LRRC75A: variants seen among roughly 807,000 people sequenced by gnomAD.
The protein encoded by LRRC75A is leucine-rich repeat-containing protein 75A.
LRRC75A carries 12 observed loss-of-function variants against 26.0 expected under a neutral mutation model. The ratio of observed to expected loss-of-function variants is 0.46; its 90% confidence interval spans 0.30 to 0.75. The LOEUF (loss-of-function observed/expected upper bound fraction) is 0.75. Ranked by LOEUF, LRRC75A falls within the 30% of genes least tolerant of loss-of-function variation. The pLI, the probability that LRRC75A is intolerant of heterozygous loss-of-function variation, is 0.08. For synonymous variants in LRRC75A, 223 were observed against 219.3 expected (o/e 1.02, Z -0.15); for missense variants, 410 against 486.6 (o/e 0.84, Z 1.48).
chr17:16,491,706 T>G lies in LRRC75A; in HGVS notation c.246+39A>C. The stretch of plus-strand genomic sequence containing the variant: ...GCCCCCCCCGGCCCAGCACGCCCCC[T>G]GGCCCGGCGCGCCCCCCGCGCCCCC... On this transcript the variant is annotated intron_variant, in intron 1 of 3. Transcript: ENST00000470794. The surrounding 1 kb of genome is among the most constrained non-coding windows in gnomAD (Gnocchi z 5.9). The G allele has an allele frequency of 5.4e-6, 5 of 919,514 alleles. No individual in the cohort carries two copies. The highest frequency in any genetic ancestry group is 5.7e-6 in the Non-Finnish European group (4 of 704,360). 57.0% of individuals were successfully genotyped at this position (919,514 alleles called of 1,614,324 possible).
intron 1 of LRRC75A, among the ~76,000 whole-genome samples, chr17:16,469,170 C>G (rs138872486): frequency 1.2e-4 from 18 of 152,288 alleles, no homozygotes; most frequent in African/African-American, 4.3e-4. Context: ...TCCAGGGTTT[C>G]CAGTTTGCCT....
chr17:16,457,267 C>T (rs548025017), intron 2 of LRRC75A, among the ~76,000 whole-genome samples: 4 of 152,350 alleles, frequency 2.6e-5, no homozygotes, highest in Admixed American at 1.3e-4. Flanking sequence ...GACTGTCCCC[C>T]TCATTACACT....
At position 16,443,931 on chromosome 17, in the gene LRRC75A, C is replaced by T. The variant is rs185998385; in HGVS notation, c.692G>A (p.Arg231His). The change falls in exon 4 of 4, where the codon CGC becomes CAC. Residue 231 changes from arginine to histidine, a missense_variant. By Grantham distance (29) the Arg-to-His change is conservative. Transcript: ENST00000470794. ...GCCATTGAGTGCCAGTGTGGTGAGG[C>T]GGGGCAGGGTGCTGAGTGCTGGCAG... ...QLLPALSTLP[R>H]LTTLALNGNR... is the part of the protein sequence containing the mutation. The T allele has an allele frequency of 2.5e-3, 4,047 of 1,613,034 alleles. 148 individuals carry two copies. The Admixed American group carries it at 0.053, about 21-fold the overall frequency.
chr17:16,481,276 C>T (rs1358367890), intron 1 of LRRC75A, among the ~76,000 whole-genome samples: 1 of 152,148 alleles, frequency 6.6e-6, no homozygotes, highest in Admixed American at 6.5e-5. Context: ...GGTACCAGCA[C>T]CTACCTGGTG....
chr17:16,460,126 G>A (rs1488131508), intron 2 of LRRC75A, among the ~76,000 whole-genome samples: 1 of 152,142 alleles, frequency 6.6e-6, no homozygotes, highest in South Asian at 2.1e-4. Flanking sequence ...CCCATTTCCT[G>A]CCATGTGAGG....
Position 16,492,192 on chromosome 17 carries a change from T to G in LRRC75A, c.-202A>C. On this transcript the variant is annotated 5_prime_UTR_variant, in exon 1 of 4. Coordinates refer to ENST00000470794, the MANE Select transcript of LRRC75A (RefSeq NM_001113567.3). Reference sequence around the variant, plus strand: ...CTCCCTCTTGGCTACCCGGGCGCGCTCCCCGGGCGCTCGCCGCCGGCCCGC... The same window carrying G: ...CTCCCTCTTGGCTACCCGGGCGCGCGCCCCGGGCGCTCGCCGCCGGCCCGC... 1.3e-5 allele frequency: 3 copies of G among 233,262 alleles called. No individual in the cohort carries two copies. Among genetic ancestry groups the G allele is most frequent in the Non-Finnish European group, 2.0e-5 (3 of 147,554 alleles). 14.4% of individuals were successfully genotyped at this position (233,262 alleles called of 1,614,324 possible). A position where few individuals can be genotyped will look rare whatever the true frequency, so the allele number is the denominator to read the frequency against.
In LRRC75A at chr17:16,443,118, G is replaced by C. The variant is rs2093547710; in HGVS notation, c.*470C>G. 2 of 155,414 alleles carry C rather than the reference G, an allele frequency of 1.3e-5. No individual in the cohort carries two copies. The highest frequency in any genetic ancestry group is 4.8e-5 in the African/African-American group (2 of 41,566). 9.6% of individuals were successfully genotyped at this position (155,414 alleles called of 1,614,324 possible). The stretch of plus-strand genomic sequence containing the variant: ...GGCAACCAGGAGTTACAGGAATTTT[G>C]CTAAAGATTCCCACCTTCCTTGAGT... On this transcript the variant is annotated 3_prime_UTR_variant, in exon 4 of 4. Transcript: ENST00000470794.
chr17:16,473,298 C>G (rs2093812147), intron 1 of LRRC75A, among the ~76,000 whole-genome samples: 1 of 152,148 alleles, frequency 6.6e-6, no homozygotes, highest in Non-Finnish European at 1.5e-5. Context: ...TTGGAAGACA[C>G]CAAAGCAAAG....
At chr17:16,483,700 C>T (rs527303306) in intron 1 of LRRC75A, among the ~76,000 whole-genome samples, 9 of 152,278 alleles carry the variant, frequency 5.9e-5, no homozygotes, top group African/African-American at 2.2e-4. Context: ...CCACTGGGGC[C>T]AGAACTGAGG....
At chr17:16,457,671 G>A (rs915781338) in intron 2 of LRRC75A, among the ~76,000 whole-genome samples, 1 of 152,106 alleles carries the variant, frequency 6.6e-6, no homozygotes, top group African/African-American at 2.4e-5. Context: ...TCTGAGACTG[G>A]GTCTTAAAAG....
chr17:16,490,175 G>A (rs1394983086), intron 1 of LRRC75A, among the ~76,000 whole-genome samples: 1 of 152,174 alleles, frequency 6.6e-6, no homozygotes, highest in Non-Finnish European at 1.5e-5. Flanking sequence ...TCCAAGAAGT[G>A]CTTGCCAGCT....
intron 1 of LRRC75A, among the ~76,000 whole-genome samples, chr17:16,482,168 T>TGCA (rs2093835868): frequency 6.6e-6 from 1 of 152,150 alleles, no homozygotes; most frequent in Non-Finnish European, 1.5e-5. Context: ...AGGCTGTGAC[T>TGCA]GCATAGACAG....
intron 2 of LRRC75A, among the ~76,000 whole-genome samples, chr17:16,459,704 G>A (rs960262485): frequency 1.3e-5 from 2 of 152,146 alleles, no homozygotes; most frequent in Non-Finnish European, 1.5e-5. Flanking sequence ...GACCCATAAC[G>A]TGGGCTGACA....
At chr17:16,474,957 C>T (rs1354373212) in intron 1 of LRRC75A, among the ~76,000 whole-genome samples, 1 of 149,404 alleles carries the variant, frequency 6.7e-6, no homozygotes, top group Non-Finnish European at 1.5e-5. Context: ...TGTGCCACCG[C>T]TGCACTCCAG....
At chr17:16,445,460 C>T (rs987191447) in intron 3 of LRRC75A, among the ~76,000 whole-genome samples, 5 of 152,118 alleles carry the variant, frequency 3.3e-5, no homozygotes, top group South Asian at 2.1e-4. Flanking sequence ...CCACCGTGCC[C>T]GGCCCCATTT....
At position 16,446,995 on chromosome 17, in the gene LRRC75A, G is replaced by A. The variant is rs150992074; in HGVS notation, c.491+850C>T. On this transcript the variant is annotated intron_variant, in intron 3 of 3. Transcript: ENST00000470794. ...CCAGAGTTCTTTCTTCTCCATGAGGGAGGGGGACAGCCCTTCCTTCCCCAG... is the reference window on the plus strand; with the variant it reads ...CCAGAGTTCTTTCTTCTCCATGAGGAAGGGGGACAGCCCTTCCTTCCCCAG... 531 of 348,276 alleles carry A rather than the reference G, an allele frequency of 1.5e-3. 2 individuals are homozygous for A. Among genetic ancestry groups the A allele is most frequent in the African/African-American group, 0.011 (490 of 44,638 alleles). 21.6% of individuals were successfully genotyped at this position (348,276 alleles called of 1,614,324 possible).
In LRRC75A at chr17:16,443,306, T is replaced by TG; in HGVS notation, c.*281dup. On this transcript the variant is annotated 3_prime_UTR_variant, in exon 4 of 4. Coordinates refer to ENST00000470794, the MANE Select transcript of LRRC75A (RefSeq NM_001113567.3). ...CCATGTGCCCATTTCCACAAGTCTT[T>TG]GGGGAAGGCCATGAGCTGAGCTGAG... 1 of 412,374 alleles carries TG rather than the reference T, an allele frequency of 2.4e-6. No homozygotes were observed. Among genetic ancestry groups the TG allele is most frequent in the Non-Finnish European group, 4.3e-6 (1 of 231,088 alleles). The allele number at this position is 412,374 out of a possible 1,614,324, so 25.5% of individuals were successfully genotyped here. A position where few individuals can be genotyped will look rare whatever the true frequency, so the allele number is the denominator to read the frequency against.
At chr17:16,464,611 C>T (rs938804520) in intron 1 of LRRC75A, among the ~76,000 whole-genome samples, 8 of 152,216 alleles carry the variant, frequency 5.3e-5, no homozygotes, top group African/African-American at 1.9e-4. Flanking sequence ...TCACCTTCTG[C>T]AGGGGTTCTC....
rs948027874 is a variant in LRRC75A at position 16,442,104 on chromosome 17, A to G, written c.*1484T>C. ...AGTCCAGATATTCGCTCTAGCTTGT[A>G]AACTTCCCTGTGGTCAGCCTAAGCT... is the stretch of plus-strand genomic sequence containing the variant. On this transcript the variant is annotated 3_prime_UTR_variant, in exon 4 of 4. Transcript: ENST00000470794. The G allele has an allele frequency of 6.6e-6, 1 of 152,336 alleles. No individual in the cohort carries two copies. Among genetic ancestry groups the G allele is most frequent in the African/African-American group, 2.4e-5 (1 of 41,454 alleles). The allele number at this position is 152,336 out of a possible 1,614,324, so 9.4% of individuals were successfully genotyped here. A position where few individuals can be genotyped will look rare whatever the true frequency, so the allele number is the denominator to read the frequency against.
Sources: gnomAD v4.1 joint callset for allele counts (sites outside exome capture counted in the v4.1 genomes callset) on GRCh38, gnomAD v4.1.1 for gene constraint, Gnocchi (gnomAD v3.1) non-coding constraint, MANE v1.5 for transcripts, NCBI Gene and HGNC (gene_info 2026-07-23, HGNC 2026-07-21) for gene names.